BAHD1: variants seen among roughly 807,000 people sequenced by gnomAD.
BAHD1 encodes bromo adjacent homology domain-containing 1 protein.
A neutral mutation model predicts 63.1 loss-of-function variants in BAHD1; 20 were observed. That is an observed-to-expected ratio of 0.32 (90% CI 0.22 to 0.46). The LOEUF (loss-of-function observed/expected upper bound fraction) is 0.46. Among genes scored for constraint, BAHD1 ranks in the 20% least tolerant of loss-of-function variants. The probability of loss-of-function intolerance (pLI) is 1.00; values close to 1 mark genes in which losing one functional copy is unlikely to be tolerated. For synonymous variants in BAHD1, 408 were observed against 426.8 expected (o/e 0.96, Z 0.54); for missense variants, 939 against 1,071.8 (o/e 0.88, Z 1.73).
At position 40,467,749 on chromosome 15, in the gene BAHD1, T is replaced by C. The variant is rs1417666459; in HGVS notation, c.*1619T>C. On this transcript the variant is annotated 3_prime_UTR_variant, in exon 7 of 7. Coordinates refer to ENST00000416165, the MANE Select transcript of BAHD1 (RefSeq NM_014952.5). ...AACCTGAAGGGAAGGGACTTGGATCTCCTTATATTGAATAAGCTGTTTGGA... is the reference window on the plus strand; with the variant it reads ...AACCTGAAGGGAAGGGACTTGGATCCCCTTATATTGAATAAGCTGTTTGGA... 1 of 152,678 alleles carries C rather than the reference T, an allele frequency of 6.5e-6. No individual in the cohort carries two copies. Among genetic ancestry groups the C allele is most frequent in the Non-Finnish European group, 1.5e-5 (1 of 68,068 alleles). The allele number at this position is 152,678 out of a possible 1,614,324, so 9.5% of individuals were successfully genotyped here.
rs748457712 is a variant in BAHD1 at position 40,462,213 on chromosome 15, ACGCCCTCGCCGC to A, written c.1739_1750del (p.Pro580_Arg583del). Reference sequence around the variant, plus strand: ...CCAAGCAGCCACGTGTCCAGCGCCCACGCCCTCGCCGCCGCCGTCGCCGCCGCACTAATGGCT... The same window carrying A: ...CCAAGCAGCCACGTGTCCAGCGCCCACGCCGTCGCCGCCGCACTAATGGCT... On this transcript the variant is annotated inframe_deletion, in exon 3 of 7. Transcript: ENST00000416165. 1.1e-5 allele frequency: 18 copies of A among 1,611,670 alleles called. No individual in the cohort carries two copies. In the Admixed American group the frequency reaches 1.8e-4, roughly 16 times the overall value.
intron 1 of BAHD1, among the ~76,000 whole-genome samples, chr15:40,445,729 C>T (rs116420805): frequency 3.2e-3 from 491 of 152,328 alleles, no homozygotes; most frequent in African/African-American, 0.011. Flanking sequence ...AGCAGCATCT[C>T]TCAATGGGGA....
At chr15:40,455,111 CT>C (rs1893812012) in intron 1 of BAHD1, among the ~76,000 whole-genome samples, 1 of 152,228 alleles carries the variant, frequency 6.6e-6, no homozygotes, top group African/African-American at 2.4e-5. Flanking sequence ...AGTGGCTGGA[CT>C]TTGCACCACA....
At position 40,466,157 on chromosome 15, in the gene BAHD1, C is replaced by T. The variant is rs372271034; in HGVS notation, c.*27C>T. 2.5e-3 allele frequency: 3,978 copies of T among 1,602,324 alleles called. 43 individuals carry two copies. The highest frequency in any genetic ancestry group is 0.021 in the South Asian group (1,855 of 89,354). ...CTCCTCATGCCCATGCTGGGGCTAC[C>T]CATGGGCAAGTGGGGCTCGGGGTAG... On this transcript the variant is annotated 3_prime_UTR_variant, in exon 7 of 7. Coordinates refer to ENST00000416165, the MANE Select transcript of BAHD1 (RefSeq NM_014952.5).
At chr15:40,448,235 C>G (rs922986293) in intron 1 of BAHD1, among the ~76,000 whole-genome samples, 1 of 150,774 alleles carries the variant, frequency 6.6e-6, no homozygotes, top group Non-Finnish European at 1.5e-5. Context: ...GAGCAAGACT[C>G]CATCTCAAAA....
rs1893558538 is a variant in BAHD1, at chr15:40,447,001, G to C, written c.-15+5733G>C. 2.0e-5 allele frequency among the ~76,000 whole-genome samples: 3 copies of C among 152,216 alleles called. No homozygotes were observed. The South Asian group carries it at 6.2e-4, about 32-fold the overall frequency. ...CCAACTCTGGTTACCTGTCCACAAT[G>C]TTTAGGAATAATTGTTAATCACATT... On this transcript the variant is annotated intron_variant, in intron 1 of 6. Transcript: ENST00000416165.
Position 40,466,225 on chromosome 15 carries a change from A to G in BAHD1, c.*95A>G. ...ACAGCACTTGGTTAGGGGGCCACAG[A>G]GGCCTAAGTTTGCTGGCCTGTGGTT... On this transcript the variant is annotated 3_prime_UTR_variant, in exon 7 of 7. Coordinates refer to ENST00000416165, the MANE Select transcript of BAHD1 (RefSeq NM_014952.5). 24 of 954,204 alleles carry G rather than the reference A, an allele frequency of 2.5e-5. No individual in the cohort carries two copies. Among genetic ancestry groups the G allele is most frequent in the South Asian group, 1.3e-4 (7 of 53,928 alleles). The allele number at this position is 954,204 out of a possible 1,614,324, so 59.1% of individuals were successfully genotyped here.
At position 40,464,069 on chromosome 15, in the gene BAHD1, A is replaced by C. The variant is rs770041650; in HGVS notation, c.1975+49A>C. The C allele has an allele frequency of 6.9e-6, 11 of 1,597,066 alleles. No homozygotes were observed. In the Middle Eastern group the frequency reaches 7.8e-4, roughly 114 times the overall value. Reference sequence around the variant, plus strand: ...CCCAAGGGGCAGCTGCCTTCAGCAGAACTGTAGTCCCCAGATTGGCCCCTG... The same window carrying C: ...CCCAAGGGGCAGCTGCCTTCAGCAGCACTGTAGTCCCCAGATTGGCCCCTG... On this transcript the variant is annotated intron_variant, in intron 4 of 6. Coordinates refer to ENST00000416165, the MANE Select transcript of BAHD1 (RefSeq NM_014952.5).
intron 2 of BAHD1, among the ~76,000 whole-genome samples, chr15:40,460,640 C>T (rs1242739227): frequency 6.6e-6 from 1 of 152,196 alleles, no homozygotes; most frequent in Non-Finnish European, 1.5e-5. Context: ...CATTTCTCTT[C>T]CCTAAACTGG....
chr15:40,445,274 A>AAC lies in BAHD1; in HGVS notation c.-15+4007_-15+4008insCA, dbSNP rs1219322984. Reference sequence around the variant, plus strand: ...TTTTGGGTAAAAAAAAAAAAAAAAAAAACAACCCTTTCACACCTTCTCTGG... The same window carrying AAC: ...TTTTGGGTAAAAAAAAAAAAAAAAAAACAACAACCCTTTCACACCTTCTCTGG... On this transcript the variant is annotated intron_variant, in intron 1 of 6. Coordinates refer to ENST00000416165, the MANE Select transcript of BAHD1 (RefSeq NM_014952.5). Among the ~76,000 whole-genome samples, 16 of 151,178 alleles carry AAC rather than the reference A, an allele frequency of 1.1e-4. No homozygotes were observed. The East Asian group carries it at 2.1e-3, about 20-fold the overall frequency.
At chr15:40,441,436 A>G (rs1224505225) in intron 1 of BAHD1, among the ~76,000 whole-genome samples, 168 bp downstream of exon 1, 23 of 149,906 alleles carry the variant, frequency 1.5e-4, no homozygotes, top group Non-Finnish European at 2.8e-4. Flanking sequence ...GGACGGACGG[A>G]CGACGCGAAG....
intron 4 of BAHD1, chr15:40,464,261 C>A (rs1004514215): frequency 1.7e-5 from 11 of 649,842 alleles, no homozygotes; most frequent in African/African-American, 3.6e-5. Flanking sequence ...TGTCCCCCCA[C>A]CTCACCTGTC....
intron 1 of BAHD1, among the ~76,000 whole-genome samples, chr15:40,455,366 C>T (rs1490281197): frequency 6.6e-6 from 1 of 152,164 alleles, no homozygotes; most frequent in East Asian, 1.9e-4. Context: ...AAGATTAGTC[C>T]ACAGGGAACA....
chr15:40,445,867 G>A (rs528747905), intron 1 of BAHD1, among the ~76,000 whole-genome samples: 1 of 152,354 alleles, frequency 6.6e-6, no homozygotes, highest in Admixed American at 6.5e-5. Context: ...CAAGGAGAGT[G>A]TGCTTCGGTT....
chr15:40,453,098 G>T (rs1443257244), intron 1 of BAHD1, among the ~76,000 whole-genome samples: 5 of 152,202 alleles, frequency 3.3e-5, no homozygotes. Flanking sequence ...TTGGAAGGAT[G>T]GGGGAGGTTG....
intron 6 of BAHD1, 21 bp from the exon 7 acceptor site, chr15:40,465,920 G>A (rs1894187246): frequency 6.5e-7 from 1 of 1,546,560 alleles, no homozygotes; most frequent in East Asian, 2.3e-5. Flanking sequence ...AGTAAAGACA[G>A]TGAATGGTAT....
chr15:40,461,687 C>G (rs978450820), intron 2 of BAHD1, among the ~76,000 whole-genome samples: 5 of 152,100 alleles, frequency 3.3e-5, no homozygotes, highest in African/African-American at 1.2e-4. Context: ...AACCACCTCT[C>G]TTTCAGACTA....
intron 1 of BAHD1, among the ~76,000 whole-genome samples, chr15:40,441,845 A>T (rs531679518): frequency 7.7e-6 from 1 of 129,730 alleles, no homozygotes; most frequent in African/African-American, 2.9e-5. Context: ...TTATTGCTGG[A>T]TGGGGGGCAG....
rs988368464 is a variant in BAHD1 at position 40,467,604 on chromosome 15, G to A, written c.*1474G>A. The A allele has an allele frequency of 6.5e-6, 1 of 152,858 alleles. No homozygotes were observed. The highest frequency in any genetic ancestry group is 2.4e-5 in the African/African-American group (1 of 41,446). 9.5% of individuals were successfully genotyped at this position (152,858 alleles called of 1,614,324 possible). ...GAGGGAGGTGGAAATGAACCCTGAG[G>A]GCTCCCCCAACTTGCCATGCCCTGT... On this transcript the variant is annotated 3_prime_UTR_variant, in exon 7 of 7. Transcript: ENST00000416165.
Sources: gnomAD v4.1 joint callset for allele counts (sites outside exome capture counted in the v4.1 genomes callset) on GRCh38, gnomAD v4.1.1 for gene constraint, MANE v1.5 for transcripts, NCBI Gene and HGNC (gene_info 2026-07-23, HGNC 2026-07-21) for gene names.